Variants in PAPPA2 observed in about 807,000 individuals in gnomAD.
PAPPA2 encodes the protein pappalysin 2.
A neutral mutation model predicts 176.4 loss-of-function variants in PAPPA2; 86 were observed. That is an observed-to-expected ratio of 0.49 (90% CI 0.41 to 0.58). PAPPA2 has a LOEUF of 0.58. Among genes scored for constraint, PAPPA2 ranks in the 20% least tolerant of loss-of-function variants. The pLI is 0.00. For synonymous variants in PAPPA2, 809 were observed against 852.2 expected (o/e 0.95, Z 0.88); for missense variants, 2,073 against 2,256.9 (o/e 0.92, Z 1.65).
intron 12 of PAPPA2, among the ~76,000 whole-genome samples, chr1:176,712,197 C>T (rs1661179504): frequency 6.6e-6 from 1 of 152,122 alleles, no homozygotes. Flanking sequence ...CAAAGTGTAA[C>T]ATACACACGG....
At position 176,711,746 on chromosome 1, in the gene PAPPA2, C is replaced by A. The variant is rs150976617; in HGVS notation, c.3652-89C>A. 6,980 of 1,411,472 alleles carry A rather than the reference C, an allele frequency of 4.9e-3. 376 individuals carry two copies. In the Admixed American group the frequency reaches 0.11, roughly 21 times the overall value. 87.4% of individuals were successfully genotyped at this position (1,411,472 alleles called of 1,614,324 possible). Reference sequence around the variant, plus strand: ...TCATTAGGCATTCAGAAAGAGAGAACAACTTTGCTTTGAGCTGGAGAGTTT... The same window carrying A: ...TCATTAGGCATTCAGAAAGAGAGAAAAACTTTGCTTTGAGCTGGAGAGTTT... On this transcript the variant is annotated intron_variant, in intron 11 of 22. Transcript: ENST00000367662.
At chr1:176,831,879 T>C (rs901719785) in intron 21 of PAPPA2, among the ~76,000 whole-genome samples, 5 of 152,130 alleles carry the variant, frequency 3.3e-5, no homozygotes, top group African/African-American at 1.2e-4. Flanking sequence ...AGGAGCCAAT[T>C]AGACCATTTC....
intron 4 of PAPPA2, among the ~76,000 whole-genome samples, chr1:176,673,218 C>A (rs1476370515): frequency 6.6e-6 from 1 of 152,002 alleles, no homozygotes; most frequent in Admixed American, 6.6e-5. Context: ...CCAAGATGGT[C>A]GGGTAAACTG....
At chr1:176,531,226 C>T (rs1198252894) in intron 1 of PAPPA2, among the ~76,000 whole-genome samples, 1 of 152,188 alleles carries the variant, frequency 6.6e-6, no homozygotes, top group Admixed American at 6.5e-5. Flanking sequence ...TCCAGTAGCT[C>T]TTCATTAATG....
chr1:176,675,686 G>A (rs1659251632), intron 4 of PAPPA2, among the ~76,000 whole-genome samples: 1 of 151,966 alleles, frequency 6.6e-6, no homozygotes, highest in South Asian at 2.1e-4. Context: ...TCTAGAAGAA[G>A]ACAAACAAAT....
At chr1:176,683,054 A>T (rs1224816258) in intron 4 of PAPPA2, among the ~76,000 whole-genome samples, 2 of 129,586 alleles carry the variant, frequency 1.5e-5, no homozygotes, top group African/African-American at 5.7e-5. Flanking sequence ...TTATTTATTT[A>T]TTTGCTGGAA....
At chr1:176,537,101 C>A in intron 1 of PAPPA2, among the ~76,000 whole-genome samples, 1 of 152,142 alleles carries the variant, frequency 6.6e-6, no homozygotes, top group East Asian at 1.9e-4. Context: ...TTGAGGTAGA[C>A]CAGATATTTT....
chr1:176,539,467 T>A (rs1176913329), intron 1 of PAPPA2, among the ~76,000 whole-genome samples: 1 of 152,206 alleles, frequency 6.6e-6, no homozygotes, highest in Admixed American at 6.5e-5. Flanking sequence ...CCTATTTTGT[T>A]GTCCCGGCTC....
At chr1:176,560,550 G>A (rs1375915735) in intron 2 of PAPPA2, among the ~76,000 whole-genome samples, 1 of 152,208 alleles carries the variant, frequency 6.6e-6, no homozygotes, top group African/African-American at 2.4e-5. Flanking sequence ...TCCTCTGTAA[G>A]AGTAGCTAGT....
At chr1:176,747,256 C>T (rs919234096) in intron 14 of PAPPA2, among the ~76,000 whole-genome samples, 13 of 152,116 alleles carry the variant, frequency 8.5e-5, no homozygotes, top group African/African-American at 2.7e-4. Flanking sequence ...CTTATGTGAA[C>T]GGGCATATTT....
Position 176,690,258 on chromosome 1 carries a change from C to G in PAPPA2, c.2259C>G (p.Ser753=). The change falls in exon 5 of 23, where the codon TCC becomes TCG. Residue 753 remains serine, a synonymous_variant. Coordinates refer to ENST00000367662, the MANE Select transcript of PAPPA2 (RefSeq NM_020318.3). The stretch of plus-strand genomic sequence containing the variant: ...TTAAAGGAGTCAGTGAAAGAGAATC[C>G]TGCAATGACCCCTGCAAGGAGACAG... The part of the protein sequence containing the change: ...HVFKGVSERE[S]CNDPCKETVP... 9 of 1,614,066 alleles carry G rather than the reference C, an allele frequency of 5.6e-6. No individual in the cohort carries two copies. The highest frequency in any genetic ancestry group is 7.6e-6 in the Non-Finnish European group (9 of 1,179,990).
At chr1:176,634,994 G>A (rs187743295) in intron 3 of PAPPA2, among the ~76,000 whole-genome samples, 17 of 151,428 alleles carry the variant, frequency 1.1e-4, no homozygotes, top group Non-Finnish European at 1.8e-4. Flanking sequence ...TAGATAGATA[G>A]ATAGATAGAT....
rs1667605260 is a variant in PAPPA2 at position 176,844,784 on chromosome 1, T to C, written c.*2330T>C. On this transcript the variant is annotated 3_prime_UTR_variant, in exon 23 of 23. Transcript: ENST00000367662. ...GTCTGAGATTGAGGCAGAGGAATTGTTATCCTGGGCATTACTCAGCTCAGG... is the reference window on the plus strand; with the variant it reads ...GTCTGAGATTGAGGCAGAGGAATTGCTATCCTGGGCATTACTCAGCTCAGG... The C allele has an allele frequency of 6.6e-6, 1 of 152,180 alleles. No homozygotes were observed. Among genetic ancestry groups the C allele is most frequent in the Non-Finnish European group, 1.5e-5 (1 of 68,030 alleles). 9.4% of individuals were successfully genotyped at this position (152,180 alleles called of 1,614,324 possible). A position where few individuals can be genotyped will look rare whatever the true frequency, so the allele number is the denominator to read the frequency against.
intron 3 of PAPPA2, among the ~76,000 whole-genome samples, chr1:176,643,537 A>G (rs1490463771): frequency 1.3e-5 from 2 of 151,770 alleles, no homozygotes; most frequent in African/African-American, 2.4e-5. Context: ...TTCCTGGTCT[A>G]GAGTATACCA....
chr1:176,588,470 G>A lies in PAPPA2; in HGVS notation c.920-6054G>A, dbSNP rs180683942. 1.3e-3 allele frequency among the ~76,000 whole-genome samples: 198 copies of A among 152,272 alleles called. 1 individual carries two copies. The highest frequency in any genetic ancestry group is 4.2e-3 in the African/African-American group (176 of 41,558). ...ATGTCAGATAGGAGAAGTGAGAGAGGGCATCACTGGAAAAAGACTTATTTC... is the reference window on the plus strand; with the variant it reads ...ATGTCAGATAGGAGAAGTGAGAGAGAGCATCACTGGAAAAAGACTTATTTC... On this transcript the variant is annotated intron_variant, in intron 2 of 22. Coordinates refer to ENST00000367662, the MANE Select transcript of PAPPA2 (RefSeq NM_020318.3).
At chr1:176,663,192 T>C (rs886809994) in intron 3 of PAPPA2, among the ~76,000 whole-genome samples, 2 of 152,142 alleles carry the variant, frequency 1.3e-5, no homozygotes, top group African/African-American at 4.8e-5. Context: ...AGGCCAACTG[T>C]AGTTTGTGCA....
chr1:176,581,902 TTTTCTTTCTTTC>T (rs200915666), intron 2 of PAPPA2, among the ~76,000 whole-genome samples: 12 of 139,020 alleles, frequency 8.6e-5, no homozygotes, highest in African/African-American at 3.0e-4. Context: ...ATTTTTCTTT[TTTTCTTTCTTTC>T]TTTCTTTCTT....
At chr1:176,617,128 C>A (rs1372994977) in intron 3 of PAPPA2, among the ~76,000 whole-genome samples, 1 of 152,154 alleles carries the variant, frequency 6.6e-6, no homozygotes, top group Non-Finnish European at 1.5e-5. Context: ...GAGTAGTAAT[C>A]AATTTCTACA....
chr1:176,618,264 C>A (rs966161732), intron 3 of PAPPA2, among the ~76,000 whole-genome samples: 12 of 152,166 alleles, frequency 7.9e-5, no homozygotes, highest in Admixed American at 6.5e-4. Context: ...ATGTGTAGTT[C>A]ATATTCTGAG....
Sources: allele counts gnomAD v4.1 joint callset (sites outside exome capture counted in the v4.1 genomes callset), GRCh38; gene constraint gnomAD v4.1.1; transcripts MANE v1.5; gene names NCBI Gene and HGNC (gene_info 2026-07-23, HGNC 2026-07-21).